AFDN: variants seen among roughly 807,000 people sequenced by gnomAD.
AFDN encodes afadin, adherens junction formation factor, also known as afadin.
Under a neutral mutation model 216.6 loss-of-function variants are expected in AFDN, and 68 were observed. The ratio of observed to expected loss-of-function variants is 0.31; its 90% CI spans 0.26 to 0.38. The LOEUF is 0.38. Ranked by LOEUF, AFDN falls within the 10% of genes least tolerant of loss-of-function variation. The pLI is 1.00. For synonymous variants in AFDN, 868 were observed against 853.7 expected (o/e 1.02, Z -0.29); for missense variants, 2,136 against 2,342.0 (o/e 0.91, Z 1.82).
intron 1 of AFDN, among the ~76,000 whole-genome samples, chr6:167,829,462 T>C (rs898026248): frequency 6.6e-6 from 1 of 152,126 alleles, no homozygotes; most frequent in African/African-American, 2.4e-5. Flanking sequence ...TTTAACCATC[T>C]AATGATTATT....
intron 30 of AFDN, among the ~76,000 whole-genome samples, chr6:167,961,254 A>G (rs1304733078): frequency 2.0e-5 from 3 of 152,206 alleles, no homozygotes; most frequent in Admixed American, 1.3e-4. Context: ...TTTTAATCCT[A>G]TAAATATTGA....
At chr6:167,964,814 T>C (rs1435880419) in intron 31 of AFDN, 3 of 1,066,204 alleles carry the variant, frequency 2.8e-6, no homozygotes, top group Non-Finnish European at 3.4e-6. Context: ...ATTAAACATT[T>C]ACTCGAGGCA....
intron 1 of AFDN, among the ~76,000 whole-genome samples, chr6:167,849,326 G>T (rs537018484): frequency 7.6e-4 from 115 of 152,136 alleles, no homozygotes; most frequent in Non-Finnish European, 1.3e-3. Context: ...GGGGGGGAGA[G>T]ATTTCCAGCA....
At chr6:167,889,390 T>A in intron 7 of AFDN, 64 bp downstream of exon 7, 1 of 1,101,404 alleles carries the variant, frequency 9.1e-7, no homozygotes, top group Non-Finnish European at 1.4e-6. Flanking sequence ...GTGTTCACCT[T>A]ATCACATGAT....
chr6:167,970,099 AATTTT>A lies in AFDN; in HGVS notation c.*171_*175del, dbSNP rs770366001. On this transcript the variant is annotated 3_prime_UTR_variant, in exon 34 of 34. Coordinates refer to ENST00000683244, the MANE Select transcript of AFDN (RefSeq NM_001386888.1). ...ATTTAGAAATGTTTCAATTCCAAGA[AATTTT>A]ATTTTACTTTACCATGAGATTGCCA... 8.2e-6 allele frequency: 5 copies of A among 606,226 alleles called. No homozygotes were observed. The highest frequency in any genetic ancestry group is 2.0e-5 in the African/African-American group (1 of 50,946). The allele number at this position is 606,226 out of a possible 1,614,324, so 37.6% of individuals were successfully genotyped here. A position where few individuals can be genotyped will look rare whatever the true frequency, so the allele number is the denominator to read the frequency against.
chr6:167,959,956 T>C (rs1233317395), intron 30 of AFDN, among the ~76,000 whole-genome samples: 1 of 152,246 alleles, frequency 6.6e-6, no homozygotes, highest in African/African-American at 2.4e-5. Flanking sequence ...TTTTCATTCT[T>C]TTAATCAAAG....
At chr6:167,907,068 C>T (rs1199278508) in intron 12 of AFDN, 103 bp from the exon 13 acceptor site, 1 of 805,446 alleles carries the variant, frequency 1.2e-6, no homozygotes, top group Non-Finnish European at 2.1e-6. Flanking sequence ...TCTTGCCTGC[C>T]CTGCTTGGCA....
In AFDN at chr6:167,950,902, ACCC is replaced by A. The variant is rs1795902014; in HGVS notation, c.3832-283_3832-281del. On this transcript the variant is annotated intron_variant, in intron 29 of 33. Coordinates refer to ENST00000683244, the MANE Select transcript of AFDN (RefSeq NM_001386888.1). ...TTTTAGTCGAGACAGAGACTATGTT[ACCC>A]AGGCTGGTCTCGAACTCCTGGGCTC... Among the ~76,000 whole-genome samples the A allele has an allele frequency of 2.1e-5, 3 of 143,578 alleles. No individual in the cohort carries two copies. In the East Asian group the frequency reaches 6.1e-4, roughly 29 times the overall value. The allele number at this position is 143,578 out of a possible 152,430, so 94.2% of individuals were successfully genotyped here.
intron 30 of AFDN, chr6:167,954,553 A>AT: frequency 6.7e-7 from 1 of 1,488,884 alleles, no homozygotes; most frequent in Non-Finnish European, 9.2e-7. Flanking sequence ...CTTTTCTTTC[A>AT]GTGGTGGCTG....
intron 23 of AFDN, among the ~76,000 whole-genome samples, chr6:167,926,757 C>T (rs1166606246): frequency 1.3e-5 from 2 of 152,180 alleles, no homozygotes; most frequent in Non-Finnish European, 2.9e-5. Context: ...TCACTCTGCT[C>T]ATCTCTGTCC....
rs1171341574 is a variant in AFDN, at chr6:167,922,770, A to T, written c.2909-86A>T. 5.2e-5 allele frequency: 43 copies of T among 832,520 alleles called. No individual in the cohort carries two copies. In the East Asian group the frequency reaches 9.9e-4, roughly 19 times the overall value. The allele number at this position is 832,520 out of a possible 1,614,324, so 51.6% of individuals were successfully genotyped here. On this transcript the variant is annotated intron_variant, in intron 21 of 33. Transcript: ENST00000683244. ...AAGAAGAATCAATACCGTGTGTTGG[A>T]TATTAAGCAATTGGTAATTAATCTT...
At position 167,964,506 on chromosome 6, in the gene AFDN, G is replaced by A. The variant is rs544172369; in HGVS notation, c.4969-1251G>A. 1.7e-5 allele frequency: 18 copies of A among 1,065,882 alleles called. No homozygotes were observed. In the African/African-American group the frequency reaches 2.5e-4, roughly 15 times the overall value. The allele number at this position is 1,065,882 out of a possible 1,614,324, so 66.0% of individuals were successfully genotyped here. ...TTCCTTCAGGATTTCTAAACACAGA[G>A]CAAGAAGATTCAATGAAAAATTGGG... On this transcript the variant is annotated intron_variant, in intron 31 of 33. Transcript: ENST00000683244.
chr6:167,903,438 C>A (rs1309473540), intron 12 of AFDN, among the ~76,000 whole-genome samples: 1 of 152,212 alleles, frequency 6.6e-6, no homozygotes, highest in Non-Finnish European at 1.5e-5. Context: ...TGGGACCTCA[C>A]AAGAACCACG....
intron 5 of AFDN, among the ~76,000 whole-genome samples, chr6:167,877,090 CA>C (rs1785474322): frequency 1.3e-5 from 2 of 152,140 alleles, no homozygotes; most frequent in Non-Finnish European, 2.9e-5. Context: ...CTGTCATTGA[CA>C]GTGGGACTGT....
intron 5 of AFDN, among the ~76,000 whole-genome samples, chr6:167,879,344 G>A (rs1583258661): frequency 6.6e-6 from 1 of 152,226 alleles, no homozygotes. Context: ...GAAATATTCA[G>A]TAACTGAAAT....
chr6:167,908,657 A>G (rs996485905), intron 13 of AFDN, among the ~76,000 whole-genome samples: 3 of 152,220 alleles, frequency 2.0e-5, no homozygotes. Context: ...AGTGATTAAT[A>G]TAGTGTCAAA....
At chr6:167,872,619 T>TG (rs1784914249) in intron 4 of AFDN, among the ~76,000 whole-genome samples, 1 of 152,214 alleles carries the variant, frequency 6.6e-6, no homozygotes, top group Admixed American at 6.5e-5. Context: ...CCCACAGTCT[T>TG]GCTAGTCTTA....
chr6:167,861,407 C>CT (rs1296418326), intron 1 of AFDN, among the ~76,000 whole-genome samples: 3 of 152,180 alleles, frequency 2.0e-5, no homozygotes, highest in African/African-American at 7.2e-5. Flanking sequence ...CAGGAATACT[C>CT]TTACTTTTCT....
intron 26 of AFDN, among the ~76,000 whole-genome samples, chr6:167,945,256 A>G (rs1051362411): frequency 6.6e-6 from 1 of 152,014 alleles, no homozygotes; most frequent in Non-Finnish European, 1.5e-5. Flanking sequence ...CAGGATTATC[A>G]GTGTCACTGT....
Sources: gnomAD v4.1 joint callset for allele counts (sites outside exome capture counted in the v4.1 genomes callset) on GRCh38, gnomAD v4.1.1 for gene constraint, MANE v1.5 for transcripts, NCBI Gene and HGNC (gene_info 2026-07-23, HGNC 2026-07-21) for gene names.